Variants in SPATA9 observed in about 807,000 individuals in gnomAD.
The protein encoded by SPATA9 is spermatogenesis-associated protein 9.
A neutral mutation model predicts 25.5 loss-of-function variants in SPATA9; 27 were observed. That is an observed-to-expected ratio of 1.06 (90% CI 0.78 to 1.46). The LOEUF (loss-of-function observed/expected upper bound fraction) is 1.46, where lower values mean the gene tolerates loss of function less well. SPATA9 is among the 40% of genes most tolerant of loss of function. The pLI is 0.00. For missense variants in SPATA9, 282 were observed against 297.5 expected (o/e 0.95, Z 0.38); for synonymous variants, 102 against 105.7 (o/e 0.97, Z 0.21).
the SPATA9 span, among the ~76,000 whole-genome samples, chr5:95,706,856 G>T: frequency 6.6e-6 from 1 of 151,658 alleles, no homozygotes; most frequent in Admixed American, 6.6e-5. Context: ...ATATAATTTT[G>T]TATGCAAAGT....
upstream of SPATA9, chr5:95,684,568 C>T (rs534637503): frequency 9.8e-5 from 15 of 152,334 alleles, no homozygotes; most frequent in Admixed American, 5.2e-4. Flanking sequence ...TTGCTAACAA[C>T]GTCCTTTTTG....
the SPATA9 span, chr5:95,731,430 G>A: frequency 1.7e-6 from 2 of 1,196,622 alleles, no homozygotes; most frequent in African/African-American, 1.6e-5. Flanking sequence ...TCCCGCGCCC[G>A]GCGATGTTCC....
chr5:95,666,361 C>G (rs894357714), intron 3 of SPATA9, among the ~76,000 whole-genome samples: 1 of 152,108 alleles, frequency 6.6e-6, no homozygotes, highest in Non-Finnish European at 1.5e-5. Context: ...ATTTCTAGCC[C>G]CAGAGTTCTT....
chr5:95,665,321 T>C lies in SPATA9; in HGVS notation c.379-1273A>G, dbSNP rs182044446. Among the ~76,000 whole-genome samples, 620 of 152,316 alleles carry C rather than the reference T, an allele frequency of 4.1e-3. 7 individuals carry two copies. Among genetic ancestry groups the C allele is most frequent in the South Asian group, 9.5e-3 (46 of 4,822 alleles). On this transcript the variant is annotated intron_variant, in intron 3 of 4. Coordinates refer to ENST00000274432, the MANE Select transcript of SPATA9 (RefSeq NM_031952.4). ...CCAGAATTTATTCTGCCTATCTAATTGTAATTTTGTACCCATTTAACAACC... is the reference window on the plus strand; with the variant it reads ...CCAGAATTTATTCTGCCTATCTAATCGTAATTTTGTACCCATTTAACAACC...
At chr5:95,712,225 T>C in the SPATA9 span, among the ~76,000 whole-genome samples, 2 of 152,196 alleles carry the variant, frequency 1.3e-5, no homozygotes, top group Non-Finnish European at 2.9e-5. Context: ...AGCTGTTTCA[T>C]CCAAGAACAT....
chr5:95,702,188 G>A (rs1319718471), upstream of SPATA9, among the ~76,000 whole-genome samples: 3 of 147,304 alleles, frequency 2.0e-5, no homozygotes, highest in East Asian at 4.1e-4. Flanking sequence ...AAGCCCAGGT[G>A]TTAAAAAAAA....
At chr5:95,698,851 A>T (rs1458629744), upstream of SPATA9, 1 of 152,180 alleles carries the variant, frequency 6.6e-6, no homozygotes, top group African/African-American at 2.4e-5. Flanking sequence ...CAAAATTATC[A>T]TTATTTATTT....
upstream of SPATA9, among the ~76,000 whole-genome samples, chr5:95,702,273 C>T (rs1786371778): frequency 6.6e-6 from 1 of 152,088 alleles, no homozygotes; most frequent in Non-Finnish European, 1.5e-5. Context: ...GGTAGAGAAC[C>T]ACAGCACATC....
chr5:95,696,143 T>C (rs1754016280), intron 1 of SPATA9, among the ~76,000 whole-genome samples: 1 of 152,178 alleles, frequency 6.6e-6, no homozygotes, highest in South Asian at 2.1e-4. Flanking sequence ...ATTATAGCTT[T>C]GTGAGAGACC....
the SPATA9 span, among the ~76,000 whole-genome samples, chr5:95,728,034 G>C: frequency 6.6e-6 from 1 of 152,238 alleles, no homozygotes; most frequent in Non-Finnish European, 1.5e-5. Context: ...AGAATGGAGA[G>C]ACACACTTCT....
chr5:95,675,776 T>TC (rs1752874015), intron 2 of SPATA9, 137 bp from the exon 3 acceptor site: 1 of 574,876 alleles, frequency 1.7e-6, no homozygotes. Context: ...AATATTTCTG[T>TC]CCCCCCATGA....
chr5:95,661,718 T>A (rs1751279396), intron 4 of SPATA9, among the ~76,000 whole-genome samples: 1 of 152,132 alleles, frequency 6.6e-6, no homozygotes, highest in Admixed American at 6.6e-5. Flanking sequence ...TTTAAAAAAC[T>A]GAATTAATAT....
At chr5:95,658,174 A>G (rs116814388), downstream of SPATA9, 2,612 of 152,644 alleles carry the variant, frequency 0.017, 80 homozygotes, top group African/African-American at 0.058. Context: ...TAACTTTGCA[A>G]GTGATTTACA....
chr5:95,698,210 G>C, intron 1 of SPATA9, among the ~76,000 whole-genome samples: 1 of 152,230 alleles, frequency 6.6e-6, no homozygotes, highest in East Asian at 1.9e-4. Flanking sequence ...ACTGCGATCA[G>C]ATGGGAATTA....
At chr5:95,656,380 T>C (rs1221865324), downstream of SPATA9, 3 of 1,308,980 alleles carry the variant, frequency 2.3e-6, no homozygotes, top group Non-Finnish European at 3.2e-6. Context: ...TGCTTCAGTT[T>C]TAAAGGTGAT....
chr5:95,654,768 T>C (rs1049503045), downstream of SPATA9, among the ~76,000 whole-genome samples: 1 of 152,174 alleles, frequency 6.6e-6, no homozygotes, highest in Non-Finnish European at 1.5e-5. Flanking sequence ...AACAATGTAT[T>C]TGTGACTGAA....
the SPATA9 span, among the ~76,000 whole-genome samples, chr5:95,710,029 G>T: frequency 6.6e-6 from 1 of 152,230 alleles, no homozygotes; most frequent in Admixed American, 6.5e-5. Context: ...ACGTTAATAC[G>T]TTTATCCTTA....
In SPATA9 at chr5:95,682,543, T is replaced by C. The variant is rs1753556210; in HGVS notation, c.135A>G (p.Leu45=). The stretch of plus-strand genomic sequence containing the variant: ...ATCACATTACCTGATTAGACTGTGA[T>C]AATCTTAGGATGGTGGGAAATTCAT... ...FKDEFPTILR[L]SQSNQKREPA... Residue 45 remains leucine, a synonymous_variant, in exon 2 of 5, where the codon TTA becomes TTG. Coordinates refer to ENST00000274432, the MANE Select transcript of SPATA9 (RefSeq NM_031952.4). 6.2e-7 allele frequency: 1 copy of C among 1,610,384 alleles called. No homozygotes were observed. Among genetic ancestry groups the C allele is most frequent in the Non-Finnish European group, 8.5e-7 (1 of 1,177,146 alleles).
the SPATA9 span, chr5:95,708,534 C>T: frequency 0.24 from 163,720 of 690,842 alleles, 21,539 homozygotes; most frequent in East Asian, 0.5. Flanking sequence ...TTACAAATGT[C>T]CAATCAGGGC....
Sources: gnomAD v4.1 joint callset for allele counts (sites outside exome capture counted in the v4.1 genomes callset) on GRCh38, gnomAD v4.1.1 for gene constraint, MANE v1.5 for transcripts, NCBI Gene and HGNC (gene_info 2026-07-23, HGNC 2026-07-21) for gene names.